The following ASXL2 variants were observed in gnomAD, a reference collection of about 807,000 sequenced individuals.
ASXL2 encodes the protein putative Polycomb group protein ASXL2.
ASXL2 carries 23 observed loss-of-function variants against 122.0 expected under a neutral mutation model. The observed-to-expected ratio is 0.19, with a 90% confidence interval of 0.14 to 0.27. The LOEUF is 0.27. Ranked by LOEUF, ASXL2 falls within the 10% of genes least tolerant of loss-of-function variation. The pLI, the probability that ASXL2 is intolerant of heterozygous loss-of-function variation, is 1.00. For synonymous variants in ASXL2, 650 were observed against 637.0 expected (o/e 1.02, Z -0.31); for missense variants, 1,518 against 1,713.8 (o/e 0.89, Z 2.02).
At chr2:25,834,571 ACG>A in intron 3 of ASXL2, among the ~76,000 whole-genome samples, 1 of 152,298 alleles carries the variant, frequency 6.6e-6, no homozygotes. Context: ...AAGACTAACT[ACG>A]CTCTAATTAT....
At chr2:25,761,331 A>T (rs547425974) in intron 8 of ASXL2, among the ~76,000 whole-genome samples, 31 of 152,316 alleles carry the variant, frequency 2.0e-4, no homozygotes, top group Non-Finnish European at 3.4e-4. Context: ...TATCAAAGAC[A>T]AAGAGAATAA....
rs1023736597 is a variant in ASXL2, at chr2:25,734,676, CAA to C, written c.*7351_*7352del. On this transcript the variant is annotated 3_prime_UTR_variant, in exon 13 of 13. Coordinates refer to ENST00000435504, the MANE Select transcript of ASXL2 (RefSeq NM_018263.6). ...ATTAAACTTAATAAAAGTATTGACT[CAA>C]GTTGGTCTAATATAGTGTTTAGGAA... is the stretch of plus-strand genomic sequence containing the variant. 24 of 152,272 alleles carry C rather than the reference CAA, an allele frequency of 1.6e-4. No homozygotes were observed. Among genetic ancestry groups the C allele is most frequent in the African/African-American group, 5.5e-4 (23 of 41,564 alleles). 9.4% of individuals were successfully genotyped at this position (152,272 alleles called of 1,614,324 possible).
chr2:25,753,516 A>G lies in ASXL2; in HGVS notation c.1142+18T>C. On this transcript the variant is annotated intron_variant, in intron 11 of 12. Transcript: ENST00000435504. ...GTAGGAATTAACATTTGGTTTATAG[A>G]ACCTGTCCTAATATTACCTCTGCCC... is the stretch of plus-strand genomic sequence containing the variant. 6.3e-7 allele frequency: 1 copy of G among 1,593,250 alleles called. No homozygotes were observed. The highest frequency in any genetic ancestry group is 1.3e-5 in the African/African-American group (1 of 74,410).
At chr2:25,768,690 A>T in intron 7 of ASXL2, 52 bp downstream of exon 7, 1 of 1,586,144 alleles carries the variant, frequency 6.3e-7, no homozygotes, top group Non-Finnish European at 8.6e-7. Context: ...AAACCAACAT[A>T]AAAATACTAG....
chr2:25,812,468 C>T (rs1430993104), intron 3 of ASXL2, among the ~76,000 whole-genome samples: 1 of 152,010 alleles, frequency 6.6e-6, no homozygotes, highest in East Asian at 1.9e-4. Flanking sequence ...CTCCAAATAA[C>T]AACAACAATA....
chr2:25,863,438 A>C (rs903456646), intron 1 of ASXL2, among the ~76,000 whole-genome samples: 3 of 152,050 alleles, frequency 2.0e-5, no homozygotes, highest in Non-Finnish European at 4.4e-5. Context: ...CACACCTGTA[A>C]TCCCAGCACT....
At chr2:25,803,133 A>G (rs1237267511) in intron 4 of ASXL2, among the ~76,000 whole-genome samples, 1 of 148,628 alleles carries the variant, frequency 6.7e-6, no homozygotes, top group Non-Finnish European at 1.5e-5. Flanking sequence ...CTCCATCTCA[A>G]AATGAATGAA....
chr2:25,865,079 T>A (rs1337307368), intron 1 of ASXL2, among the ~76,000 whole-genome samples: 3 of 149,880 alleles, frequency 2.0e-5, no homozygotes, highest in African/African-American at 7.3e-5. Context: ...CACCTCAGCC[T>A]ACAAAAGTGC....
chr2:25,783,760 AAAAAAAAATACATG>A (rs1332502654), intron 5 of ASXL2, among the ~76,000 whole-genome samples: 1 of 150,256 alleles, frequency 6.7e-6, no homozygotes, highest in Non-Finnish European at 1.5e-5. Flanking sequence ...TGTCTATGTA[AAAAAAAAATACATG>A]GCCGGGTGCG....
intron 6 of ASXL2, among the ~76,000 whole-genome samples, chr2:25,770,886 A>G (rs1485235125): frequency 6.6e-6 from 1 of 152,142 alleles, no homozygotes; most frequent in East Asian, 1.9e-4. Context: ...TATACAAACA[A>G]ACAAAAGATT....
chr2:25,878,101 T>A, intron 1 of ASXL2, 65 bp downstream of exon 1: 1 of 1,597,946 alleles, frequency 6.3e-7, no homozygotes, highest in East Asian at 2.2e-5. Context: ...TCCCTTTCCC[T>A]GCGACTGGCG....
At chr2:25,865,928 A>G (rs2149202105) in intron 1 of ASXL2, among the ~76,000 whole-genome samples, 1 of 152,194 alleles carries the variant, frequency 6.6e-6, no homozygotes, top group Non-Finnish European at 1.5e-5. Context: ...GACACGTGTA[A>G]CCACATTTTC....
At chr2:25,812,843 C>G (rs927604689) in intron 3 of ASXL2, among the ~76,000 whole-genome samples, 1 of 152,160 alleles carries the variant, frequency 6.6e-6, no homozygotes, top group African/African-American at 2.4e-5. Flanking sequence ...ATGTTGGCAG[C>G]TAAAAGAGTG....
At chr2:25,809,522 T>A (rs1384588588) in intron 3 of ASXL2, among the ~76,000 whole-genome samples, 1 of 152,044 alleles carries the variant, frequency 6.6e-6, no homozygotes, top group South Asian at 2.1e-4. Context: ...CTCTTCTCTA[T>A]GGAAAGGGCA....
chr2:25,745,925 C>T (rs1267331018), intron 12 of ASXL2, among the ~76,000 whole-genome samples: 2 of 152,120 alleles, frequency 1.3e-5, no homozygotes, highest in East Asian at 1.9e-4. Context: ...GGATTACAGG[C>T]GTGAGCCACC....
chr2:25,741,857 T>C lies in ASXL2; in HGVS notation c.*172A>G. The C allele has an allele frequency of 4.7e-6, 3 of 639,926 alleles. No individual in the cohort carries two copies. In the South Asian group the frequency reaches 6.9e-5, roughly 15 times the overall value. 39.6% of individuals were successfully genotyped at this position (639,926 alleles called of 1,614,324 possible). A position where few individuals can be genotyped will look rare whatever the true frequency, so the allele number is the denominator to read the frequency against. On this transcript the variant is annotated 3_prime_UTR_variant, in exon 13 of 13. Transcript: ENST00000435504. ...CTTAGACTTACTATACAAGGTGCTCTTCCTCTAAAATGTAAAAAATCTGTA... is the reference window on the plus strand; with the variant it reads ...CTTAGACTTACTATACAAGGTGCTCCTCCTCTAAAATGTAAAAAATCTGTA...
intron 7 of ASXL2, 22 bp downstream of exon 7, chr2:25,768,720 A>T (rs1209664355): frequency 1.2e-6 from 2 of 1,601,006 alleles, no homozygotes; most frequent in African/African-American, 2.7e-5. Flanking sequence ...ACTTCCATTG[A>T]AAAACTGCCC....
intron 1 of ASXL2, among the ~76,000 whole-genome samples, chr2:25,863,055 C>A (rs928537807): frequency 1.2e-4 from 18 of 152,156 alleles, no homozygotes; most frequent in African/African-American, 4.3e-4. Context: ...CACAGCCGGG[C>A]ACAGTGGCTC....
intron 5 of ASXL2, among the ~76,000 whole-genome samples, chr2:25,785,615 T>C (rs560471039): frequency 4.9e-4 from 74 of 152,194 alleles, no homozygotes; most frequent in African/African-American, 1.7e-3. Flanking sequence ...GATGCAATCT[T>C]GGCTCACTGC....
Sources: allele counts gnomAD v4.1 joint callset (sites outside exome capture counted in the v4.1 genomes callset), GRCh38; gene constraint gnomAD v4.1.1; transcripts MANE v1.5; gene names NCBI Gene and HGNC (gene_info 2026-07-23, HGNC 2026-07-21).